MAN1C1: variants seen among roughly 807,000 people sequenced by gnomAD.
MAN1C1 encodes mannosidase alpha class 1C member 1.
MAN1C1 carries 49 observed loss-of-function variants against 71.5 expected under a neutral mutation model. The observed-to-expected ratio is 0.69, with a 90% confidence interval of 0.54 to 0.87. The LOEUF (loss-of-function observed/expected upper bound fraction) is 0.87. Among genes scored for constraint, MAN1C1 ranks in the 40% least tolerant of loss-of-function variants. The probability of loss-of-function intolerance (pLI) is 0.00; values close to 1 mark genes in which losing one functional copy is unlikely to be tolerated. For missense variants in MAN1C1, 743 were observed against 835.0 expected (o/e 0.89, Z 1.36); for synonymous variants, 352 against 343.7 (o/e 1.02, Z -0.27).
chr1:25,721,296 A>T (rs939823114), intron 2 of MAN1C1, among the ~76,000 whole-genome samples: 4 of 152,094 alleles, frequency 2.6e-5, no homozygotes, highest in Non-Finnish European at 4.4e-5. Context: ...TAATTTTGGG[A>T]TCAGCTTGTC....
intron 1 of MAN1C1, among the ~76,000 whole-genome samples, chr1:25,675,173 C>T (rs1040983705): frequency 5.3e-5 from 8 of 152,090 alleles, no homozygotes; most frequent in African/African-American, 1.9e-4. Context: ...GATTTTCGTG[C>T]ACCTGTCACC....
At chr1:25,781,254 C>T (rs1405730610) in intron 10 of MAN1C1, 142 bp downstream of exon 10, 4 of 876,596 alleles carry the variant, frequency 4.6e-6, no homozygotes, top group Non-Finnish European at 7.0e-6. Context: ...TGCAAAGGGT[C>T]AAGGTGGTGG....
intron 1 of MAN1C1, among the ~76,000 whole-genome samples, chr1:25,664,482 A>T (rs1572132412): frequency 6.6e-6 from 1 of 152,212 alleles, no homozygotes. Context: ...CTGCCATATA[A>T]TAGTGGTAGG....
intron 2 of MAN1C1, among the ~76,000 whole-genome samples, chr1:25,691,543 G>A (rs1427996567): frequency 1.3e-5 from 2 of 152,208 alleles, no homozygotes; most frequent in Admixed American, 1.3e-4. Context: ...CAGCACATAG[G>A]AAGCATTCAT....
Position 25,769,038 on chromosome 1 carries a change from C to G in MAN1C1, c.1142-2619C>G, listed in dbSNP as rs1472204093. 6.9e-6 allele frequency among the ~76,000 whole-genome samples: 1 copy of G among 145,740 alleles called. No homozygotes were observed. Among genetic ancestry groups the G allele is most frequent in the South Asian group, 2.2e-4 (1 of 4,472 alleles). On this transcript the variant is annotated intron_variant, in intron 7 of 11. Coordinates refer to ENST00000374332, the MANE Select transcript of MAN1C1 (RefSeq NM_020379.4). This position sits in a 1 kb window ranked among gnomAD's most constrained non-coding sequence, Gnocchi z 4.8. ...CTCAGGCACACACACTACACACCAC[C>G]CACACTCCCACACACACTACACACC...
chr1:25,767,746 C>T (rs1201149836), intron 7 of MAN1C1, among the ~76,000 whole-genome samples: 5 of 75,518 alleles, frequency 6.6e-5, no homozygotes, highest in African/African-American at 1.5e-4. Flanking sequence ...CAGACCCACA[C>T]ACCCACACTC....
intron 10 of MAN1C1, 131 bp downstream of exon 10, chr1:25,781,243 G>A: frequency 1.0e-6 from 1 of 956,300 alleles, no homozygotes; most frequent in East Asian, 2.6e-5. Context: ...ACAGTTCAGA[G>A]TGCAAAGGGT....
At chr1:25,702,363 G>A (rs1247013867) in intron 2 of MAN1C1, among the ~76,000 whole-genome samples, 2 of 152,194 alleles carry the variant, frequency 1.3e-5, no homozygotes, top group Non-Finnish European at 2.9e-5. Flanking sequence ...AAGTACAAAA[G>A]TGGGTCCCAC....
At chr1:25,740,842 C>T (rs2047053825) in intron 2 of MAN1C1, among the ~76,000 whole-genome samples, 1 of 151,904 alleles carries the variant, frequency 6.6e-6, no homozygotes, top group African/African-American at 2.4e-5. Context: ...GGGGAGGAAG[C>T]CAGTGGAATA....
At chr1:25,706,208 G>A (rs2046519757) in intron 2 of MAN1C1, among the ~76,000 whole-genome samples, 2 of 152,180 alleles carry the variant, frequency 1.3e-5, no homozygotes, top group South Asian at 2.1e-4. Context: ...TCTTTACCCT[G>A]TGGTCTCCTG....
Position 25,753,592 on chromosome 1 carries a change from G to A in MAN1C1, c.929+14G>A, listed in dbSNP as rs367774216. 35 of 1,610,874 alleles carry A rather than the reference G, an allele frequency of 2.2e-5. No individual in the cohort carries two copies. Among genetic ancestry groups the A allele is most frequent in the East Asian group, 6.7e-5 (3 of 44,800 alleles). ...GAGCTTCAAAAGGTAGGGCGCCATC[G>A]CGTTCCCCACTGGGGCTTTACTGCG... is the stretch of plus-strand genomic sequence containing the variant. On this transcript the variant is annotated intron_variant, in intron 5 of 11. Transcript: ENST00000374332. The surrounding 1 kb of genome is among the most constrained non-coding windows in gnomAD (Gnocchi z 4.9).
intron 2 of MAN1C1, among the ~76,000 whole-genome samples, chr1:25,706,639 A>G (rs1572163938): frequency 6.6e-6 from 1 of 152,222 alleles, no homozygotes; most frequent in Non-Finnish European, 1.5e-5. Flanking sequence ...GTGAGATACA[A>G]TGCTAGACAG....
At chr1:25,760,327 C>T (rs1170101436) in intron 6 of MAN1C1, 3 of 152,324 alleles carry the variant, frequency 2.0e-5, no homozygotes, top group South Asian at 2.1e-4. Context: ...GTGATAAAGC[C>T]GTGATTCAAG....
At chr1:25,738,153 A>G (rs2047008962) in intron 2 of MAN1C1, among the ~76,000 whole-genome samples, 1 of 152,180 alleles carries the variant, frequency 6.6e-6, no homozygotes, top group South Asian at 2.1e-4. Context: ...CTTTCCTTCC[A>G]GAGGCTTCAA....
rs1246843952 is a variant in MAN1C1, at chr1:25,778,856, CCACCACT to C, written c.1477+540_1477+546del. 6.6e-6 allele frequency among the ~76,000 whole-genome samples: 1 copy of C among 152,182 alleles called. No homozygotes were observed. Among genetic ancestry groups the C allele is most frequent in the African/African-American group, 2.4e-5 (1 of 41,430 alleles). On this transcript the variant is annotated intron_variant, in intron 9 of 11. Transcript: ENST00000374332. This position sits in a 1 kb window ranked among gnomAD's most constrained non-coding sequence, Gnocchi z 5.5. Reference sequence around the variant, plus strand: ...AGCCTGAGAGCTTGGTCCTCCCCACCCACCACTCACCACTGAATTGTCCGATGCTAGA... The same window carrying C: ...AGCCTGAGAGCTTGGTCCTCCCCACCCACCACTGAATTGTCCGATGCTAGA...
chr1:25,753,620 C>T lies in MAN1C1; in HGVS notation c.929+42C>T. 6.4e-7 allele frequency: 1 copy of T among 1,560,224 alleles called. No homozygotes were observed. Among genetic ancestry groups the T allele is most frequent in the African/African-American group, 1.4e-5 (1 of 73,554 alleles). On this transcript the variant is annotated intron_variant, in intron 5 of 11. Transcript: ENST00000374332. The surrounding 1 kb of genome is among the most constrained non-coding windows in gnomAD (Gnocchi z 4.9). ...TTCCCCACTGGGGCTTTACTGCGAC[C>T]ATGCCCACCATTTGTGTTTTGTCTG...
chr1:25,630,400 A>T (rs958567321), intron 1 of MAN1C1, among the ~76,000 whole-genome samples: 1 of 152,114 alleles, frequency 6.6e-6, no homozygotes, highest in African/African-American at 2.4e-5. Flanking sequence ...TAAAAATTTC[A>T]TATTAATTTT....
intron 2 of MAN1C1, among the ~76,000 whole-genome samples, chr1:25,692,709 T>G (rs2046324120): frequency 6.6e-6 from 1 of 152,168 alleles, no homozygotes. Flanking sequence ...CCACATACAG[T>G]GGCCGCCAAG....
chr1:25,750,976 A>ATCCATCTTTCCTCCCTTCCG (rs2047206269), intron 4 of MAN1C1, among the ~76,000 whole-genome samples: 7 of 151,954 alleles, frequency 4.6e-5, no homozygotes, highest in Non-Finnish European at 7.4e-5. Context: ...CCTCTCTTCC[A>ATCCATCTTTCCTCCCTTCCG]TCCATCTTTC....
Sources: gnomAD v4.1 joint callset for allele counts (sites outside exome capture counted in the v4.1 genomes callset) on GRCh38, gnomAD v4.1.1 for gene constraint, Gnocchi (gnomAD v3.1) non-coding constraint, MANE v1.5 for transcripts, NCBI Gene and HGNC (gene_info 2026-07-23, HGNC 2026-07-21) for gene names.